The following PUS7 variants were observed in gnomAD, a reference collection of about 807,000 sequenced individuals.
PUS7 encodes the protein pseudouridine synthase 7.
PUS7 carries 48 observed loss-of-function variants against 79.8 expected under a neutral mutation model. That is an observed-to-expected ratio of 0.60 (90% CI 0.48 to 0.76). PUS7 has a LOEUF of 0.76. Among genes scored for constraint, PUS7 ranks in the 30% least tolerant of loss-of-function variants. PUS7 has a pLI of 0.00. For synonymous variants in PUS7, 286 were observed against 272.2 expected (o/e 1.05, Z -0.50); for missense variants, 729 against 797.6 (o/e 0.91, Z 1.04).
At chr7:105,517,216 G>A (rs539187960) in intron 1 of PUS7, among the ~76,000 whole-genome samples, 1 of 148,358 alleles carries the variant, frequency 6.7e-6, no homozygotes, top group African/African-American at 2.4e-5. Flanking sequence ...GAGTACAGTG[G>A]TGTGATCTCT....
rs1419771443 is a variant in PUS7, at chr7:105,462,665, T to C, written c.1713A>G (p.Ser571=). 5 of 1,613,976 alleles carry C rather than the reference T, an allele frequency of 3.1e-6. No homozygotes were observed. Among genetic ancestry groups the C allele is most frequent in the African/African-American group, 1.3e-5 (1 of 75,064 alleles). The change falls in exon 14 of 16, where the codon TCA becomes TCG. Residue 571 remains serine, a synonymous_variant. Transcript: ENST00000469408. ...MRHKIRDYSL[S]GAYRKIIIRP... is the part of the protein sequence containing the mutation. ...GAATAATGATCTTTCGGTAGGCCCCTGACAAGGAATAATCTCGAATTTTGT... is the reference window on the plus strand; with the variant it reads ...GAATAATGATCTTTCGGTAGGCCCCCGACAAGGAATAATCTCGAATTTTGT...
chr7:105,463,607 G>A lies in PUS7; in HGVS notation c.1628-857C>T, dbSNP rs553415480. On this transcript the variant is annotated intron_variant, in intron 13 of 15. Transcript: ENST00000469408. ...ATTTGATCACTGGGCATAAATGTGG[G>A]AATTTACATTTATTCCTATTAAATA... is the stretch of plus-strand genomic sequence containing the variant. 1.8e-3 allele frequency among the ~76,000 whole-genome samples: 269 copies of A among 151,306 alleles called. 1 individual carries two copies. Among genetic ancestry groups the A allele is most frequent in the Middle Eastern group, 3.4e-3 (1 of 292 alleles).
chr7:105,458,029 C>T, intron 15 of PUS7, 103 bp from the exon 16 acceptor site: 1 of 1,319,278 alleles, frequency 7.6e-7, no homozygotes, highest in South Asian at 1.6e-5. Flanking sequence ...GTGCTGCTTT[C>T]CTTAGACTCC....
chr7:105,459,030 A>G (rs942725956), intron 15 of PUS7, 138 bp downstream of exon 15: 7 of 489,254 alleles, frequency 1.4e-5, no homozygotes, highest in Non-Finnish European at 2.5e-5. Context: ...CATAATTGTG[A>G]AAGTAAGGTC....
In PUS7 at chr7:105,492,568, G is replaced by T. The variant is rs545668100; in HGVS notation, c.843-951C>A. ...TCGCCCAGGCTGGAGTGCAGTGGCG[G>T]GATCTCGGCTCACTGCAAGCTCCGC... On this transcript the variant is annotated intron_variant, in intron 6 of 15. Transcript: ENST00000469408. Among the ~76,000 whole-genome samples, 85 of 144,658 alleles carry T rather than the reference G, an allele frequency of 5.9e-4. 1 individual carries two copies. Among genetic ancestry groups the T allele is most frequent in the Non-Finnish European group, 6.2e-4 (41 of 65,804 alleles). 94.9% of individuals were successfully genotyped at this position (144,658 alleles called of 152,430 possible).
At chr7:105,494,241 G>A (rs1466946199) in intron 6 of PUS7, among the ~76,000 whole-genome samples, 1 of 152,084 alleles carries the variant, frequency 6.6e-6, no homozygotes, top group Non-Finnish European at 1.5e-5. Flanking sequence ...TCAGCTGCAT[G>A]CGAATCATTT....
intron 9 of PUS7, among the ~76,000 whole-genome samples, chr7:105,473,327 G>A (rs1297849266): frequency 6.6e-6 from 1 of 151,984 alleles, no homozygotes; most frequent in Non-Finnish European, 1.5e-5. Context: ...TTGGCTCGCT[G>A]CAACCTCTGC....
At chr7:105,510,516 T>G (rs1249601452) in intron 1 of PUS7, among the ~76,000 whole-genome samples, 1 of 151,924 alleles carries the variant, frequency 6.6e-6, no homozygotes, top group Non-Finnish European at 1.5e-5. Flanking sequence ...AAATGGCAAA[T>G]TTTAATTTTT....
chr7:105,496,580 G>C (rs1384968231), intron 5 of PUS7, among the ~76,000 whole-genome samples: 1 of 152,140 alleles, frequency 6.6e-6, no homozygotes, highest in Non-Finnish European at 1.5e-5. Context: ...TGGTACCGAA[G>C]CTGGTACTTG....
chr7:105,463,180 C>T (rs757939555), intron 13 of PUS7, among the ~76,000 whole-genome samples: 2 of 152,196 alleles, frequency 1.3e-5, no homozygotes, highest in Non-Finnish European at 2.9e-5. Flanking sequence ...GGCTCACCCG[C>T]GCACCTGATG....
chr7:105,509,925 A>G (rs1586176175), intron 1 of PUS7, among the ~76,000 whole-genome samples: 1 of 152,148 alleles, frequency 6.6e-6, no homozygotes, highest in Non-Finnish European at 1.5e-5. Flanking sequence ...CAGAGGTGGG[A>G]AATTTGCTGT....
chr7:105,507,667 G>A (rs1167595677), intron 2 of PUS7, among the ~76,000 whole-genome samples: 3 of 151,866 alleles, frequency 2.0e-5, no homozygotes, highest in Non-Finnish European at 2.9e-5. Flanking sequence ...TCAGCCTCCC[G>A]AGTAGCTGGG....
At chr7:105,520,743 A>G (rs148453677) in intron 1 of PUS7, among the ~76,000 whole-genome samples, 1 of 151,832 alleles carries the variant, frequency 6.6e-6, no homozygotes, top group Non-Finnish European at 1.5e-5. Context: ...TCAAAAAACA[A>G]AGATATGTTC....
At chr7:105,519,367 G>A (rs1033719827) in intron 1 of PUS7, among the ~76,000 whole-genome samples, 7 of 152,048 alleles carry the variant, frequency 4.6e-5, no homozygotes, top group Admixed American at 2.0e-4. Context: ...CCGAGTAGCT[G>A]GGATTACAGG....
intron 4 of PUS7, 36 bp downstream of exon 4, chr7:105,505,919 C>T (rs1276704214): frequency 6.6e-7 from 1 of 1,524,288 alleles, no homozygotes; most frequent in East Asian, 2.3e-5. Context: ...CAACTAAAAC[C>T]CTAAATAATT....
chr7:105,497,461 A>C (rs1825082772), intron 5 of PUS7, among the ~76,000 whole-genome samples: 1 of 152,196 alleles, frequency 6.6e-6, no homozygotes, highest in African/African-American at 2.4e-5. Flanking sequence ...AATTTGAAAA[A>C]TGTTAAATAT....
intron 5 of PUS7, among the ~76,000 whole-genome samples, chr7:105,496,331 T>C (rs1369377303): frequency 2.0e-5 from 3 of 151,836 alleles, no homozygotes; most frequent in East Asian, 3.9e-4. Context: ...GGGAAAAATA[T>C]GTAAGCCTAA....
intron 9 of PUS7, among the ~76,000 whole-genome samples, chr7:105,475,406 C>T (rs10243578): frequency 0.86 from 129,649 of 151,626 alleles, 55,660 homozygotes; most frequent in African/African-American, 0.88. Flanking sequence ...AGGATGGTCT[C>T]GATCTCCTGA....
intron 14 of PUS7, 22 bp downstream of exon 14, chr7:105,462,599 C>T: frequency 6.2e-7 from 1 of 1,612,582 alleles, no homozygotes; most frequent in African/African-American, 1.3e-5. Flanking sequence ...TCAGTTCTAT[C>T]TCATTCTAGA....
Sources: allele counts gnomAD v4.1 joint callset (sites outside exome capture counted in the v4.1 genomes callset), GRCh38; gene constraint gnomAD v4.1.1; transcripts MANE v1.5; gene names NCBI Gene and HGNC (gene_info 2026-07-23, HGNC 2026-07-21).